PTPN14: variants seen among roughly 807,000 people sequenced by gnomAD.
PTPN14 encodes the protein protein tyrosine phosphatase non-receptor type 14.
PTPN14 carries 53 observed loss-of-function variants against 126.8 expected under a neutral mutation model. The ratio of observed to expected loss-of-function variants is 0.42; its 90% confidence interval spans 0.34 to 0.53. The LOEUF (loss-of-function observed/expected upper bound fraction) is 0.53, where lower values mean the gene tolerates loss of function less well. PTPN14 is among the 20% of genes least tolerant of loss of function. The pLI, the probability that PTPN14 is intolerant of heterozygous loss-of-function variation, is 0.08. For missense variants in PTPN14, 1,257 were observed against 1,552.9 expected (o/e 0.81, Z 3.20); for synonymous variants, 630 against 599.3 (o/e 1.05, Z -0.75).
intron 3 of PTPN14, among the ~76,000 whole-genome samples, chr1:214,429,199 A>C (rs1030640039): frequency 2.0e-5 from 3 of 152,252 alleles, no homozygotes; most frequent in Non-Finnish European, 4.4e-5. Context: ...CTAAAGAAGA[A>C]TATGATCATA....
chr1:214,397,972 G>T lies in PTPN14; in HGVS notation c.699C>A (p.Gly233=). Residue 233 remains glycine, a synonymous_variant, in exon 8 of 19, where the codon GGC becomes GGA. Coordinates refer to ENST00000366956, the MANE Select transcript of PTPN14 (RefSeq NM_005401.5). ...TCACGAAAATCCCCATAAAGAAAAT[G>T]CCAAGGTGTACACAGTTTCCATGAT... The part of the protein sequence containing the change: ...KDNHGNCVHL[G]IFFMGIFVRN... The T allele has an allele frequency of 6.2e-7, 1 of 1,612,888 alleles. No individual in the cohort carries two copies.
rs556670455 is a variant in PTPN14, at chr1:214,486,089, A to G, written c.-154-21132T>C. 3.9e-5 allele frequency among the ~76,000 whole-genome samples: 6 copies of G among 152,284 alleles called. No homozygotes were observed. The South Asian group carries it at 1.2e-3, about 32-fold the overall frequency. ...ATATCCACAGGTGCTGGCACTTAAA[A>G]TGATCAGAATTACTCTGCAGGCAGG... On this transcript the variant is annotated intron_variant, in intron 1 of 18. Coordinates refer to ENST00000366956, the MANE Select transcript of PTPN14 (RefSeq NM_005401.5).
chr1:214,389,412 C>T (rs1379856703), intron 11 of PTPN14, among the ~76,000 whole-genome samples: 1 of 152,102 alleles, frequency 6.6e-6, no homozygotes, highest in East Asian at 1.9e-4. Context: ...CATTTCTTCC[C>T]AGACCTGCTA....
At chr1:214,458,056 T>C (rs142099203) in intron 2 of PTPN14, among the ~76,000 whole-genome samples, 3 of 145,100 alleles carry the variant, frequency 2.1e-5, no homozygotes, top group East Asian at 1.9e-4. Flanking sequence ...GAGAGAGAGA[T>C]AGAGAGAGAG....
chr1:214,550,572 G>T (rs540819347), intron 1 of PTPN14, among the ~76,000 whole-genome samples: 1 of 152,334 alleles, frequency 6.6e-6, no homozygotes, highest in South Asian at 2.1e-4. Flanking sequence ...CTACAACTTT[G>T]GAAGTTTGAG....
rs140459501 is a variant in PTPN14 at position 214,383,689 on chromosome 1, G to A, written c.2166C>T (p.Pro722=). 384 of 1,613,292 alleles carry A rather than the reference G, an allele frequency of 2.4e-4. No individual in the cohort carries two copies. The highest frequency in any genetic ancestry group is 3.1e-4 in the Non-Finnish European group (366 of 1,180,044). Residue 722 remains proline (P), a synonymous_variant, in exon 13 of 19, where the codon CCC becomes CCT. Transcript: ENST00000366956. This position sits in a 1 kb window ranked among gnomAD's most constrained non-coding sequence, Gnocchi z 4.4. ...EEEEEAPESV[P]QIPMLREKME... ...TCTTCTCCCGGAGCATGGGGATCTG[G>A]GGCACCGATTCTGGAGCCTCCTCCT...
chr1:214,518,634 T>C (rs768105921), intron 1 of PTPN14, among the ~76,000 whole-genome samples: 45 of 152,264 alleles, frequency 3.0e-4, no homozygotes, highest in South Asian at 8.3e-4. Flanking sequence ...ACTGAAACCA[T>C]TTAAAATCCC....
chr1:214,371,770 T>TACAA (rs1226464925), intron 16 of PTPN14, among the ~76,000 whole-genome samples: 1 of 152,208 alleles, frequency 6.6e-6, no homozygotes, highest in Non-Finnish European at 1.5e-5. Flanking sequence ...CCCAGGGAAG[T>TACAA]ACAACTGGCT....
In PTPN14 at chr1:214,376,314, G is replaced by A. The variant is rs772180365; in HGVS notation, c.2812C>T (p.Arg938Ter). 2.5e-6 allele frequency: 4 copies of A among 1,614,144 alleles called. No individual in the cohort carries two copies. The highest frequency in any genetic ancestry group is 1.3e-5 in the African/African-American group (1 of 75,014). The stretch of plus-strand genomic sequence containing the variant: ...TCATAGGGGACAACTTCACGGATTC[G>A]GCTGCGCTCGGCGTTTTCTGGCAGA... ...AALPENAERS[R>*]IREVVPYEEN... The change falls in exon 15 of 19, where the codon CGA becomes TGA. Residue 938 changes from arginine to a stop codon, truncating the protein, a stop_gained. Coordinates refer to ENST00000366956, the MANE Select transcript of PTPN14 (RefSeq NM_005401.5). LOFTEE classifies it high-confidence loss of function.
At chr1:214,541,581 C>T (rs1283086071) in intron 1 of PTPN14, among the ~76,000 whole-genome samples, 2 of 152,146 alleles carry the variant, frequency 1.3e-5, no homozygotes, top group Non-Finnish European at 2.9e-5. Context: ...AGAGGGCTTT[C>T]GCAGGCCACA....
chr1:214,464,131 G>A (rs1298197181), intron 2 of PTPN14, among the ~76,000 whole-genome samples: 1 of 145,964 alleles, frequency 6.9e-6, no homozygotes, highest in Non-Finnish European at 1.5e-5. Context: ...CCCACAAAAA[G>A]CCTCACTGGT....
chr1:214,509,145 T>C (rs1396768749), intron 1 of PTPN14, among the ~76,000 whole-genome samples: 1 of 152,192 alleles, frequency 6.6e-6, no homozygotes, highest in East Asian at 1.9e-4. Flanking sequence ...AGCCTGTCCC[T>C]TGAAGTTTTG....
chr1:214,521,542 A>G (rs1172726398), intron 1 of PTPN14, among the ~76,000 whole-genome samples: 1 of 152,110 alleles, frequency 6.6e-6, no homozygotes, highest in Non-Finnish European at 1.5e-5. Context: ...GTGAAACCCC[A>G]TTTCTACTAA....
chr1:214,408,850 G>A (rs115229205), intron 5 of PTPN14, among the ~76,000 whole-genome samples: 2,602 of 152,094 alleles, frequency 0.017, 82 homozygotes, highest in African/African-American at 0.059. Flanking sequence ...CTGGGGTGAG[G>A]AGAAGCTCAG....
chr1:214,372,934 G>A, intron 15 of PTPN14, 95 bp from the exon 16 acceptor site: 1 of 1,519,862 alleles, frequency 6.6e-7, no homozygotes, highest in Non-Finnish European at 8.9e-7. Flanking sequence ...TAAAACCTTG[G>A]ATATATTTTT....
intron 3 of PTPN14, among the ~76,000 whole-genome samples, chr1:214,435,255 C>CGTGT (rs144288661): frequency 1.3e-5 from 2 of 148,524 alleles, no homozygotes; most frequent in South Asian, 2.1e-4. Flanking sequence ...TGTGTGTGTG[C>CGTGT]GTGTGTGTGT....
At chr1:214,460,648 A>C (rs1660491070) in intron 2 of PTPN14, among the ~76,000 whole-genome samples, 1 of 148,130 alleles carries the variant, frequency 6.8e-6, no homozygotes. Context: ...CATCAGTGCA[A>C]ACTGAATTCC....
chr1:214,384,867 G>A lies in PTPN14; in HGVS notation c.1067-79C>T. 1 of 1,487,566 alleles carries A rather than the reference G, an allele frequency of 6.7e-7. No homozygotes were observed. The highest frequency in any genetic ancestry group is 1.3e-5 in the South Asian group (1 of 74,936). The allele number at this position is 1,487,566 out of a possible 1,614,324, so 92.1% of individuals were successfully genotyped here. A position where few individuals can be genotyped will look rare whatever the true frequency, so the allele number is the denominator to read the frequency against. On this transcript the variant is annotated intron_variant, in intron 12 of 18. Transcript: ENST00000366956. This position sits in a 1 kb window ranked among gnomAD's most constrained non-coding sequence, Gnocchi z 5.3. ...AAGTACATCCTCATACTCATGAGGT[G>A]ACTTTTAATTTAAACAAATCATAAA...
At chr1:214,513,901 T>C (rs1398974417) in intron 1 of PTPN14, among the ~76,000 whole-genome samples, 1 of 152,172 alleles carries the variant, frequency 6.6e-6, no homozygotes, top group Non-Finnish European at 1.5e-5. Flanking sequence ...TTTTGGTTGC[T>C]GTGTTATTAC....
Sources: gnomAD v4.1 joint callset for allele counts (sites outside exome capture counted in the v4.1 genomes callset) on GRCh38, gnomAD v4.1.1 for gene constraint, Gnocchi (gnomAD v3.1) non-coding constraint, MANE v1.5 for transcripts, NCBI Gene and HGNC (gene_info 2026-07-23, HGNC 2026-07-21) for gene names.